PLXNB3: variants seen among roughly 807,000 people sequenced by gnomAD.
PLXNB3 encodes the protein plexin B3.
Under a neutral mutation model 125.7 loss-of-function variants are expected in PLXNB3, and 80 were observed. The observed-to-expected ratio is 0.64, with a 90% CI of 0.53 to 0.77. The LOEUF is 0.77. Among genes scored for constraint, PLXNB3 ranks in the 30% least tolerant of loss-of-function variants. The pLI, the probability that PLXNB3 is intolerant of heterozygous loss-of-function variation, is 0.00. For missense variants in PLXNB3, 1,836 were observed against 1,729.3 expected (o/e 1.06, Z -1.09); for synonymous variants, 954 against 783.3 (o/e 1.22, Z -3.64).
chrX:153,769,293 C>T, intron 6 of PLXNB3, 31 bp downstream of exon 6: 1 of 1,079,359 alleles, frequency 9.3e-7, no homozygotes, highest in Non-Finnish European at 1.3e-6. Flanking sequence ...TAGGCTAGGG[C>T]CAACGGGTGG....
chrX:153,765,995 C>G (rs2091853082), intron 2 of PLXNB3: 1 of 751,867 alleles, frequency 1.3e-6, no homozygotes, highest in Non-Finnish European at 1.6e-6. Context: ...GACCCCTCCC[C>G]CAGCCAGCTC....
chrX:153,767,763 G>A lies in PLXNB3; in HGVS notation c.936G>A (p.Ala312=), dbSNP rs782022295. Residue 312 remains alanine, a synonymous_variant, in exon 3 of 36, where the codon GCG becomes GCA. Transcript: ENST00000361971. ...CCGCGGGCCCAAGGGGCACCCAGGC[G>A]GCGCTCTGTGCCTTCCCCATGGTGG... ...VFAAGPRGTQ[A]ALCAFPMVEL... is the part of the protein sequence containing the mutation. The A allele has an allele frequency of 3.2e-5, 37 of 1,171,505 alleles. No homozygotes were observed. Among genetic ancestry groups the A allele is most frequent in the Middle Eastern group, 2.5e-4 (1 of 3,982 alleles).
Position 153,770,234 on chromosome X carries a change from A to C in PLXNB3, c.1772A>C (p.Asn591Thr), listed in dbSNP as rs1365707973. 1.7e-6 allele frequency: 2 copies of C among 1,209,409 alleles called. No individual in the cohort carries two copies. The highest frequency in any genetic ancestry group is 2.2e-6 in the Non-Finnish European group (2 of 895,118). The change falls in exon 8 of 36, where the codon AAC (asparagine) becomes ACC (threonine). Residue 591 changes from asparagine (N) to threonine (T), a missense_variant. Transcript: ENST00000361971. ...CCTCCCCAAGACCAGGTGCCACTTAACCCTCCAGGCACAGGTGAGTGGCCC... is the reference window on the plus strand; with the variant it reads ...CCTCCCCAAGACCAGGTGCCACTTACCCCTCCAGGCACAGGTGAGTGGCCC... ...VTPPQDQVPL[N>T]PPGTDHVTVP...
At position 153,770,284 on chromosome X, in the gene PLXNB3, G is replaced by A. The variant is rs782618760; in HGVS notation, c.1786+36G>A. ...CATGGGGTAGGGGGCTGGGATGGAG[G>A]CTGGAGGGGTAATGAGCCACCTGAC... On this transcript the variant is annotated intron_variant, in intron 8 of 35. Transcript: ENST00000361971. The A allele has an allele frequency of 2.5e-6, 3 of 1,204,736 alleles. No individual in the cohort carries two copies. The Admixed American group carries it at 6.6e-5, about 26-fold the overall frequency.
rs2092003609 is a variant in PLXNB3 at position 153,776,949 on chromosome X, G to A, written c.4896G>A (p.Gln1632=). The A allele has an allele frequency of 8.4e-7, 1 of 1,196,037 alleles. No individual in the cohort carries two copies. Among genetic ancestry groups the A allele is most frequent in the Non-Finnish European group, 1.1e-6 (1 of 885,926 alleles). The change falls in exon 29 of 36, where the codon CAG becomes CAA. Residue 1632 remains glutamine, a synonymous_variant. Transcript: ENST00000361971. The stretch of plus-strand genomic sequence containing the variant: ...TGCACCGTGGCAGCACCATCTCCCA[G>A]AGCCTGGCCCAGAGGTGCCCCTTGG... ...PQLHRGSTIS[Q]SLAQRCPLGE...
rs1466128105 is a variant in PLXNB3, at chrX:153,765,479, C to A, written c.-57C>A. The A allele has an allele frequency of 8.7e-6, 10 of 1,150,724 alleles. No individual in the cohort carries two copies. The highest frequency in any genetic ancestry group is 1.0e-5 in the Non-Finnish European group (9 of 857,578). 94.8% of individuals were successfully genotyped at this position (1,150,724 alleles called of 1,213,427 possible). A position where few individuals can be genotyped will look rare whatever the true frequency, so the allele number is the denominator to read the frequency against. On this transcript the variant is annotated 5_prime_UTR_variant, in exon 2 of 36. Coordinates refer to ENST00000361971, the MANE Select transcript of PLXNB3 (RefSeq NM_005393.3). ...GTCTCCCTCCCACTCAGGACAATGC[C>A]CCCCCGCAGCCATCTCATGCCCATC...
chrX:153,766,461 G>A lies in PLXNB3; in HGVS notation c.46-412G>A, dbSNP rs782819972. 91 of 1,067,328 alleles carry A rather than the reference G, an allele frequency of 8.5e-5. 1 individual carries two copies. In the African/African-American group the frequency reaches 1.2e-3, roughly 14 times the overall value. 88.0% of individuals were successfully genotyped at this position (1,067,328 alleles called of 1,213,427 possible). ...AGCTTCCGCCAGCCTTCCAGCTCCCGCGGCCTCCCTCCCTCCCCTGCCCTC... is the reference window on the plus strand; with the variant it reads ...AGCTTCCGCCAGCCTTCCAGCTCCCACGGCCTCCCTCCCTCCCCTGCCCTC... On this transcript the variant is annotated intron_variant, in intron 2 of 35. Transcript: ENST00000361971.
chrX:153,770,554 G>C lies in PLXNB3; in HGVS notation c.1922G>C (p.Trp641Ser), dbSNP rs782209764. Reference protein sequence around the residue: ...APCRACVGSIWRCHWCPQSSH... With the variant: ...APCRACVGSISRCHWCPQSSH... ...TGTCGCGCTTGCGTGGGCAGCATCT[G>C]GCGGTGTCACTGGTGCCCGCAGAGT... The change falls in exon 10 of 36, where the codon TGG becomes TCG. Residue 641 changes from tryptophan (W) to serine (S), a missense_variant. Coordinates refer to ENST00000361971, the MANE Select transcript of PLXNB3 (RefSeq NM_005393.3). 8.3e-7 allele frequency: 1 copy of C among 1,211,324 alleles called. No homozygotes were observed. The highest frequency in any genetic ancestry group is 1.7e-5 in the African/African-American group (1 of 58,120).
At chrX:153,769,325 T>C in intron 6 of PLXNB3, 63 bp downstream of exon 6, 1 of 959,392 alleles carries the variant, frequency 1.0e-6, no homozygotes, top group Non-Finnish European at 1.4e-6. Context: ...AGGCTGCCCC[T>C]GGAAGTAGCC....
Position 153,767,059 on chromosome X carries a change from A to G in PLXNB3, c.232A>G (p.Ser78Gly). The change falls in exon 3 of 36, where the codon AGC becomes GGC. Residue 78 changes from serine to glycine, a missense_variant. Transcript: ENST00000361971. Reference sequence around the variant, plus strand: ...CGCAGTGAACCGCCTCTTCCAGCTCAGCCCCGAGCTGCAGCTCGAGGCCGT... The same window carrying G: ...CGCAGTGAACCGCCTCTTCCAGCTCGGCCCCGAGCTGCAGCTCGAGGCCGT... ...VGAVNRLFQL[S>G]PELQLEAVAV... 3 of 1,210,742 alleles carry G rather than the reference A, an allele frequency of 2.5e-6. No homozygotes were observed. Among genetic ancestry groups the G allele is most frequent in the Non-Finnish European group, 3.4e-6 (3 of 895,357 alleles).
chrX:153,772,449 AG>A (rs1278851956), intron 16 of PLXNB3, among the ~76,000 whole-genome samples, 162 bp downstream of exon 16: 7 of 112,190 alleles, frequency 6.2e-5, no homozygotes, highest in African/African-American at 2.3e-4. Flanking sequence ...GTGGGCAGCC[AG>A]GCCAGTCTGA....
intron 10 of PLXNB3, 41 bp from the exon 11 acceptor site, chrX:153,770,717 C>T (rs2091918834): frequency 8.3e-7 from 1 of 1,204,288 alleles, no homozygotes; most frequent in African/African-American, 1.7e-5. Context: ...CAGCAGTAGG[C>T]CCTTTGAGTT....
chrX:153,770,484 G>A (rs781931519), intron 9 of PLXNB3, 38 bp downstream of exon 9: 258 of 1,196,114 alleles, frequency 2.2e-4, no homozygotes, highest in Admixed American at 2.9e-4. Context: ...TAGGGGTGGC[G>A]ACCCCAGAGG....
At position 153,774,823 on chromosome X, in the gene PLXNB3, G is replaced by A. The variant is rs1557063427; in HGVS notation, c.3931+17G>A. The A allele has an allele frequency of 1.7e-6, 2 of 1,208,883 alleles. No individual in the cohort carries two copies. The highest frequency in any genetic ancestry group is 3.5e-5 in the African/African-American group (2 of 57,639). ...AGTTCACAGGTGGGTGCGGAGGCGGGGGGACAGGGTACCCACGAGGCCTGA... is the reference window on the plus strand; with the variant it reads ...AGTTCACAGGTGGGTGCGGAGGCGGAGGGACAGGGTACCCACGAGGCCTGA... On this transcript the variant is annotated intron_variant, in intron 23 of 35. Transcript: ENST00000361971.
At chrX:153,778,177 G>C (rs2148434847) in intron 32 of PLXNB3, 82 bp downstream of exon 32, 1 of 1,196,950 alleles carries the variant, frequency 8.4e-7, no homozygotes, top group African/African-American at 1.8e-5. Flanking sequence ...GCTGTGCACA[G>C]AGCTCTGGGT....
chrX:153,770,915 G>C (rs1557061601), intron 11 of PLXNB3, 32 bp downstream of exon 11: 1 of 1,205,339 alleles, frequency 8.3e-7, no homozygotes, highest in African/African-American at 1.7e-5. Flanking sequence ...GGACAGGGCA[G>C]TGAGGTCTGC....
Position 153,775,293 on chromosome X carries a change from G to A in PLXNB3, c.4224G>A (p.Leu1408=). ...ATCGCTGCCATGTGGCTTCGCTGCT[G>A]TCGCTAGCGCTACACGGCAAGCTGG... ...QRDRCHVASL[L]SLALHGKLEY... The change falls in exon 25 of 36, where the codon CTG becomes CTA. Residue 1408 remains leucine (L), a synonymous_variant. Coordinates refer to ENST00000361971, the MANE Select transcript of PLXNB3 (RefSeq NM_005393.3). 8.3e-7 allele frequency: 1 copy of A among 1,208,782 alleles called. No homozygotes were observed. Among genetic ancestry groups the A allele is most frequent in the Non-Finnish European group, 1.1e-6 (1 of 894,263 alleles).
Position 153,775,477 on chromosome X carries a change from G to C in PLXNB3, c.4334+74G>C. 4.3e-6 allele frequency: 5 copies of C among 1,157,201 alleles called. No homozygotes were observed. In the South Asian group the frequency reaches 7.4e-5, roughly 17 times the overall value. On this transcript the variant is annotated intron_variant, in intron 25 of 35. Coordinates refer to ENST00000361971, the MANE Select transcript of PLXNB3 (RefSeq NM_005393.3). ...CCTGCCCCCATCGCACCCTGGGCGG[G>C]CTCTGTCCAGGGGCGGGTGGGGCCA...
chrX:153,778,575 G>GC (rs1557065395), intron 34 of PLXNB3, 25 bp from the exon 35 acceptor site: 2 of 1,185,246 alleles, frequency 1.7e-6, no homozygotes, highest in Non-Finnish European at 2.3e-6. Flanking sequence ...GGACCTCACT[G>GC]CCCCCCTCCA....
Sources: allele counts gnomAD v4.1 joint callset (sites outside exome capture counted in the v4.1 genomes callset), GRCh38; gene constraint gnomAD v4.1.1; transcripts MANE v1.5; gene names NCBI Gene and HGNC (gene_info 2026-07-23, HGNC 2026-07-21).